The following C10orf90 variants were observed in gnomAD, a reference collection of about 807,000 sequenced individuals.
C10orf90 encodes the protein (E2-independent) E3 ubiquitin-conjugating enzyme FATS.
In C10orf90, 56 loss-of-function variants were observed where a neutral mutation model predicts 62.5. The ratio of observed to expected loss-of-function variants is 0.90; its 90% CI spans 0.72 to 1.12. The LOEUF is 1.12. Ranked by LOEUF, C10orf90 falls within the 50% of genes most tolerant of loss-of-function variation. The probability of loss-of-function intolerance (pLI) is 0.00; values close to 1 mark genes in which losing one functional copy is unlikely to be tolerated. For synonymous variants in C10orf90, 386 were observed against 340.4 expected (o/e 1.13, Z -1.47); for missense variants, 970 against 880.4 (o/e 1.10, Z -1.29).
intron 2 of C10orf90, chr10:126,521,522 G>T: frequency 7.6e-7 from 1 of 1,314,400 alleles, no homozygotes; most frequent in Non-Finnish European, 9.8e-7. Context: ...TGTTTACAGG[G>T]CAACCAGGGG....
intron 2 of C10orf90, among the ~76,000 whole-genome samples, chr10:126,642,501 C>A (rs374799918): frequency 6.6e-6 from 1 of 152,066 alleles, no homozygotes; most frequent in African/African-American, 2.4e-5. Context: ...CACTGCACTC[C>A]AGCCTGGGCG....
At chr10:126,572,430 G>C (rs1844526342) in intron 2 of C10orf90, among the ~76,000 whole-genome samples, 1 of 152,156 alleles carries the variant, frequency 6.6e-6, no homozygotes, top group Admixed American at 6.5e-5. Flanking sequence ...GCAGCCCCAA[G>C]GGCTGCTGGT....
intron 2 of C10orf90, among the ~76,000 whole-genome samples, chr10:126,562,159 G>C (rs7097484): frequency 0.12 from 18,790 of 152,190 alleles, 1,380 homozygotes; most frequent in Non-Finnish European, 0.17. Context: ...ACCTCTATGA[G>C]CATGGCCCAG....
chr10:126,649,240 A>T (rs188900445), intron 1 of C10orf90, among the ~76,000 whole-genome samples: 1 of 152,018 alleles, frequency 6.6e-6, no homozygotes, highest in Admixed American at 6.6e-5. Context: ...CGTCAGCTGG[A>T]CCCCAGGTCT....
At chr10:126,650,544 C>T (rs1310164919) in intron 1 of C10orf90, among the ~76,000 whole-genome samples, 4 of 152,038 alleles carry the variant, frequency 2.6e-5, no homozygotes, top group Non-Finnish European at 4.4e-5. Context: ...CAAAGTCACA[C>T]CCCCCTAGTA....
chr10:126,535,053 T>C (rs1461866262), intron 2 of C10orf90, among the ~76,000 whole-genome samples: 1 of 152,124 alleles, frequency 6.6e-6, no homozygotes, highest in Non-Finnish European at 1.5e-5. Context: ...AACAGATCTT[T>C]GAATATATTG....
At chr10:126,488,414 A>G (rs1861550673) in intron 4 of C10orf90, among the ~76,000 whole-genome samples, 1 of 152,128 alleles carries the variant, frequency 6.6e-6, no homozygotes. Context: ...AATGTTTGAT[A>G]TAAGCATTTG....
intron 2 of C10orf90, among the ~76,000 whole-genome samples, chr10:126,612,914 T>C (rs544702543): frequency 1.3e-5 from 2 of 152,306 alleles, no homozygotes; most frequent in East Asian, 1.9e-4. Context: ...AAGTCATTTA[T>C]AGGAAAAATG....
chr10:126,426,069 T>C lies in C10orf90; in HGVS notation c.2274A>G (p.Glu758=). Reference sequence around the variant, plus strand: ...TTTGTTCTTCTTTTTTCTTTTTAACTTCCGGCAAGTTATCATAGATTCTGA... The same window carrying C: ...TTTGTTCTTCTTTTTTCTTTTTAACCTCCGGCAAGTTATCATAGATTCTGA... ...RSKRIYDNLP[E]VKKKKEEQRK... is the part of the protein sequence containing the mutation. Residue 758 remains glutamate, a synonymous_variant, in exon 9 of 10, where the codon GAA becomes GAG. Coordinates refer to ENST00000488181, the MANE Select transcript of C10orf90 (RefSeq NM_001350921.2). 6.2e-7 allele frequency: 1 copy of C among 1,614,058 alleles called. No homozygotes were observed. Among genetic ancestry groups the C allele is most frequent in the Non-Finnish European group, 8.5e-7 (1 of 1,179,894 alleles).
intron 2 of C10orf90, among the ~76,000 whole-genome samples, chr10:126,627,407 G>C (rs888646622): frequency 6.6e-6 from 1 of 152,054 alleles, no homozygotes; most frequent in Non-Finnish European, 1.5e-5. Flanking sequence ...TGGTCCATGC[G>C]GGTGTAATGG....
intron 1 of C10orf90, among the ~76,000 whole-genome samples, chr10:126,655,632 C>G (rs1846378147): frequency 6.6e-6 from 1 of 152,148 alleles, no homozygotes; most frequent in Non-Finnish European, 1.5e-5. Flanking sequence ...TGTCCTTCCC[C>G]AGGAATTGTT....
At chr10:126,455,563 G>T (rs1007476335) in intron 7 of C10orf90, among the ~76,000 whole-genome samples, 1 of 152,342 alleles carries the variant, frequency 6.6e-6, no homozygotes, top group African/African-American at 2.4e-5. Context: ...GGACAAAGAA[G>T]TTCCTTCTGT....
At position 126,646,556 on chromosome 10, in the gene C10orf90, G is replaced by A; in HGVS notation, c.313+9C>T. The A allele has an allele frequency of 2.3e-6, 1 of 442,768 alleles. No homozygotes were observed. The highest frequency in any genetic ancestry group is 4.5e-6 in the Non-Finnish European group (1 of 221,488). The allele number at this position is 442,768 out of a possible 1,614,324, so 27.4% of individuals were successfully genotyped here. A position where few individuals can be genotyped will look rare whatever the true frequency, so the allele number is the denominator to read the frequency against. On this transcript the variant is annotated intron_variant, in intron 2 of 9. Transcript: ENST00000488181. ...GGGAACCCTGCCTGGGCAGGCCCCA[G>A]TCCTTTACCTGCATTGGAAAGACTT...
At chr10:126,557,377 G>A (rs1426707569) in intron 2 of C10orf90, among the ~76,000 whole-genome samples, 1 of 151,846 alleles carries the variant, frequency 6.6e-6, no homozygotes, top group Non-Finnish European at 1.5e-5. Flanking sequence ...CTACTTGGGA[G>A]GCTGAGGCAG....
intron 2 of C10orf90, among the ~76,000 whole-genome samples, chr10:126,592,922 C>G (rs1264665861): frequency 6.6e-6 from 1 of 152,084 alleles, no homozygotes; most frequent in Non-Finnish European, 1.5e-5. Flanking sequence ...ATGCAGCCAA[C>G]AAACACATGA....
At chr10:126,658,858 G>A (rs1846449174) in intron 1 of C10orf90, among the ~76,000 whole-genome samples, 1 of 152,156 alleles carries the variant, frequency 6.6e-6, no homozygotes, top group Non-Finnish European at 1.5e-5. Context: ...CTCCCAAAAT[G>A]CTGAGATTAC....
rs965201224 is a variant in C10orf90 at position 126,497,549 on chromosome 10, A to C, written c.1534+6408T>G. Among the ~76,000 whole-genome samples the C allele has an allele frequency of 3.9e-5, 6 of 152,182 alleles. No homozygotes were observed. In the East Asian group the frequency reaches 5.8e-4, roughly 15 times the overall value. ...GGCCCCAAAAATGGATAAATTAACA[A>C]ACAAGGAGAGCAGAATTCACAAGAT... On this transcript the variant is annotated intron_variant, in intron 4 of 9. Transcript: ENST00000488181.
chr10:126,547,141 C>T (rs974634297), intron 2 of C10orf90, among the ~76,000 whole-genome samples: 3 of 150,944 alleles, frequency 2.0e-5, no homozygotes, highest in Non-Finnish European at 4.4e-5. Flanking sequence ...AAAAAAAGGC[C>T]GGGCGTTGTG....
chr10:126,600,146 G>T lies in C10orf90; in HGVS notation c.313+46419C>A, dbSNP rs1845169373. On this transcript the variant is annotated intron_variant, in intron 2 of 9. Coordinates refer to ENST00000488181, the MANE Select transcript of C10orf90 (RefSeq NM_001350921.2). Reference sequence around the variant, plus strand: ...GCAGGTGTGTGCATCGCATGTGTGTGCACAAGTGTGTGCGTATCGCATGTG... The same window carrying T: ...GCAGGTGTGTGCATCGCATGTGTGTTCACAAGTGTGTGCGTATCGCATGTG... Among the ~76,000 whole-genome samples, 4 of 152,172 alleles carry T rather than the reference G, an allele frequency of 2.6e-5. No homozygotes were observed. In the South Asian group the frequency reaches 6.2e-4, roughly 24 times the overall value.
Sources: gnomAD v4.1 joint callset for allele counts (sites outside exome capture counted in the v4.1 genomes callset) on GRCh38, gnomAD v4.1.1 for gene constraint, MANE v1.5 for transcripts, NCBI Gene and HGNC (gene_info 2026-07-23, HGNC 2026-07-21) for gene names.